The following STAT5B variants were observed in gnomAD, a reference collection of about 807,000 sequenced individuals.
The protein encoded by STAT5B is signal transducer and activator of transcription 5B, also known as transcription factor STAT5B.
A neutral mutation model predicts 107.8 loss-of-function variants in STAT5B; 21 were observed. That is an observed-to-expected ratio of 0.19 (90% CI 0.14 to 0.28). The LOEUF (loss-of-function observed/expected upper bound fraction) is 0.28, where lower values mean the gene tolerates loss of function less well. STAT5B is among the 10% of genes least tolerant of loss of function. The pLI, the probability that STAT5B is intolerant of heterozygous loss-of-function variation, is 1.00. For synonymous variants in STAT5B, 325 were observed against 401.7 expected (o/e 0.81, Z 2.28); for missense variants, 565 against 1,008.2 (o/e 0.56, Z 5.95).
chr17:42,207,702 G>T lies in STAT5B; in HGVS notation c.1933C>A (p.Pro645Thr), dbSNP rs1397906312. 1 of 1,614,092 alleles carries T rather than the reference G, an allele frequency of 6.2e-7. No homozygotes were observed. The highest frequency in any genetic ancestry group is 1.7e-5 in the Admixed American group (1 of 59,996). The change falls in exon 16 of 19, where the codon CCT becomes ACT. Residue 645 changes from proline (P) to threonine (T), a missense_variant. Coordinates refer to ENST00000293328, the MANE Select transcript of STAT5B (RefSeq NM_012448.4). ...SQERMFWNLMPFTTRDFSIRS... is the reference protein window; with the variant it reads ...SQERMFWNLMTFTTRDFSIRS... ...ATGGAGAAGTCTCTGGTGGTAAAAG[G>T]CATCAGATTCCAAAACATTCTTTCC... is the stretch of plus-strand genomic sequence containing the variant.
chr17:42,223,469 T>C lies in STAT5B; in HGVS notation c.463A>G (p.Thr155Ala). ...TTTAACTCATTCTCTGTGTCCTGCG[T>C]GACCAGTCGCAGCTCCTCAAACGTC... ...NQTFEELRLV[T>A]QDTENELKKL... is the part of the protein sequence containing the mutation. The change falls in exon 5 of 19, where the codon ACG becomes GCG. Residue 155 changes from threonine (T) to alanine (A), a missense_variant. Transcript: ENST00000293328. The C allele has an allele frequency of 6.2e-7, 1 of 1,614,184 alleles. No homozygotes were observed. Among genetic ancestry groups the C allele is most frequent in the Non-Finnish European group, 8.5e-7 (1 of 1,180,036 alleles).
At chr17:42,222,774 C>T (rs887587400) in intron 5 of STAT5B, among the ~76,000 whole-genome samples, 2 of 147,890 alleles carry the variant, frequency 1.4e-5, no homozygotes, top group Admixed American at 6.7e-5. Flanking sequence ...CTCCGCCTCC[C>T]GGGTTCAAGA....
chr17:42,223,491 C>T lies in STAT5B; in HGVS notation c.441G>A (p.Thr147=), dbSNP rs144367484. ...MSQKHLQINQ[T]FEELRLVTQD... is the part of the protein sequence containing the mutation. Reference sequence around the variant, plus strand: ...GCGTGACCAGTCGCAGCTCCTCAAACGTCTGGTTGATCTGGAGGTGTTTCT... The same window carrying T: ...GCGTGACCAGTCGCAGCTCCTCAAATGTCTGGTTGATCTGGAGGTGTTTCT... The change falls in exon 5 of 19, where the codon ACG becomes ACA. Residue 147 remains threonine (T), a synonymous_variant. Transcript: ENST00000293328. 1.6e-4 allele frequency: 266 copies of T among 1,614,074 alleles called. No homozygotes were observed. Among genetic ancestry groups the T allele is most frequent in the Non-Finnish European group, 2.0e-4 (232 of 1,180,048 alleles).
At chr17:42,231,931 A>T in intron 2 of STAT5B, 69 bp downstream of exon 2, 5 of 1,602,416 alleles carry the variant, frequency 3.1e-6, no homozygotes, top group Non-Finnish European at 4.3e-6. Flanking sequence ...CCATCATGAC[A>T]TCTTTCTAAA....
At chr17:42,204,294 A>G (rs547133396) in intron 16 of STAT5B, among the ~76,000 whole-genome samples, 2 of 152,314 alleles carry the variant, frequency 1.3e-5, no homozygotes, top group African/African-American at 4.8e-5. Context: ...AATCCAGGTA[A>G]GCAGGTGGTA....
At chr17:42,277,113 G>T (rs568865879), upstream of STAT5B, among the ~76,000 whole-genome samples, 1 of 152,348 alleles carries the variant, frequency 6.6e-6, no homozygotes, top group East Asian at 1.9e-4. Context: ...AGGGTCATCT[G>T]TAGGATCCAG....
At position 42,199,840 on chromosome 17, in the gene STAT5B, A is replaced by G. The variant is rs867412123; in HGVS notation, c.*1898T>C. Reference sequence around the variant, plus strand: ...AAAGTGTATCAAGTCTGACCCCCCAACCAGGGTTGCTGGAACAGAGAGCGA... The same window carrying G: ...AAAGTGTATCAAGTCTGACCCCCCAGCCAGGGTTGCTGGAACAGAGAGCGA... On this transcript the variant is annotated 3_prime_UTR_variant, in exon 19 of 19. Transcript: ENST00000293328. 2 of 152,350 alleles carry G rather than the reference A, an allele frequency of 1.3e-5. No individual in the cohort carries two copies. The highest frequency in any genetic ancestry group is 2.4e-5 in the African/African-American group (1 of 41,428). The allele number at this position is 152,350 out of a possible 1,614,324, so 9.4% of individuals were successfully genotyped here. A position where few individuals can be genotyped will look rare whatever the true frequency, so the allele number is the denominator to read the frequency against.
intron 1 of STAT5B, among the ~76,000 whole-genome samples, chr17:42,257,024 G>A (rs1441898132): frequency 6.6e-6 from 1 of 151,984 alleles, no homozygotes; most frequent in African/African-American, 2.4e-5. Flanking sequence ...ATTACCTGAG[G>A]TTTCAGGCAT....
At chr17:42,285,139 G>T in the STAT5B span, among the ~76,000 whole-genome samples, 1 of 151,610 alleles carries the variant, frequency 6.6e-6, no homozygotes, top group Non-Finnish European at 1.5e-5. Flanking sequence ...GCCCAGGCTG[G>T]AGTGCAGTGG....
chr17:42,229,442 GC>G (rs2144288851), intron 2 of STAT5B, among the ~76,000 whole-genome samples: 1 of 151,802 alleles, frequency 6.6e-6, no homozygotes, highest in South Asian at 2.1e-4. Context: ...GAGCCACCGT[GC>G]CCGGCCAGGA....
chr17:42,217,079 T>TA (rs146909119), intron 11 of STAT5B, 81 bp downstream of exon 11: 41,680 of 1,407,790 alleles, frequency 0.03, 339 homozygotes, highest in Non-Finnish European at 0.035. Context: ...TGCTATGTGA[T>TA]AAAAAAAAAA....
intron 1 of STAT5B, among the ~76,000 whole-genome samples, chr17:42,259,005 T>C (rs2080571165): frequency 1.3e-5 from 2 of 152,126 alleles, no homozygotes; most frequent in Admixed American, 6.5e-5. Context: ...AAATGAAGAG[T>C]AGCTAAGACC....
rs7209291 is a variant in STAT5B, at chr17:42,215,745, A to C, written c.1473+269T>G. On this transcript the variant is annotated intron_variant, in intron 12 of 18. Coordinates refer to ENST00000293328, the MANE Select transcript of STAT5B (RefSeq NM_012448.4). Reference sequence around the variant, plus strand: ...GTGATTGTCGTGCCTCAGCCTCCCAAGTAGCTGGGACTACAGGCATGTGCC... The same window carrying C: ...GTGATTGTCGTGCCTCAGCCTCCCACGTAGCTGGGACTACAGGCATGTGCC... Among the ~76,000 whole-genome samples the C allele has an allele frequency of 0.15, 23,233 of 151,936 alleles. 1,980 individuals carry two copies. The highest frequency in any genetic ancestry group is 0.3 in the South Asian group (1,431 of 4,808).
At chr17:42,287,572 A>C in the STAT5B span, 1 of 152,360 alleles carries the variant, frequency 6.6e-6, no homozygotes, top group Admixed American at 6.5e-5. Flanking sequence ...TGCTGTGGCA[A>C]GGCCTGTAGA....
At chr17:42,278,438 A>T (rs1341059494), upstream of STAT5B, among the ~76,000 whole-genome samples, 3 of 152,206 alleles carry the variant, frequency 2.0e-5, no homozygotes, top group African/African-American at 7.2e-5. Flanking sequence ...CGGTGTGGCG[A>T]CACACACCTG....
At position 42,201,397 on chromosome 17, in the gene STAT5B, C is replaced by CG. The variant is rs2080042106; in HGVS notation, c.*340_*341insC. The stretch of plus-strand genomic sequence containing the variant: ...CACTCTTAAGACACATGGCCAACTT[C>CG]CAGGCTTCACGAAACTCACTGCCTT... On this transcript the variant is annotated 3_prime_UTR_variant, in exon 19 of 19. Transcript: ENST00000293328. 2 of 596,470 alleles carry CG rather than the reference C, an allele frequency of 3.4e-6. No individual in the cohort carries two copies. Among genetic ancestry groups the CG allele is most frequent in the Non-Finnish European group, 6.0e-6 (2 of 335,010 alleles). The allele number at this position is 596,470 out of a possible 1,614,324, so 36.9% of individuals were successfully genotyped here.
Position 42,224,773 on chromosome 17 carries a change from A to T in STAT5B, c.375+6T>A. The T allele has an allele frequency of 1.2e-6, 2 of 1,613,608 alleles. No individual in the cohort carries two copies. Among genetic ancestry groups the T allele is most frequent in the Non-Finnish European group, 1.7e-6 (2 of 1,179,678 alleles). On this transcript the variant is annotated splice_donor_region_variant and intron_variant, in intron 4 of 18. Transcript: ENST00000293328. ...ACTGCCCTCCCCATCCCTATGGGACACTCACATTGTTGGCTTCTCGGACCA... is the reference window on the plus strand; with the variant it reads ...ACTGCCCTCCCCATCCCTATGGGACTCTCACATTGTTGGCTTCTCGGACCA...
intron 1 of STAT5B, among the ~76,000 whole-genome samples, chr17:42,261,186 G>C (rs984317592): frequency 6.6e-6 from 1 of 152,000 alleles, no homozygotes; most frequent in Admixed American, 6.6e-5. Context: ...AGGATTACAG[G>C]CATAATCCAC....
Position 42,201,188 on chromosome 17 carries a change from TG to T in STAT5B, c.*549del. On this transcript the variant is annotated 3_prime_UTR_variant, in exon 19 of 19. Coordinates refer to ENST00000293328, the MANE Select transcript of STAT5B (RefSeq NM_012448.4). ...CCATTCCTACCCAAGAACACAGGGG[TG>T]GGGGAGAGGGAAGGCTCTCTTTGTC... 1 of 412,536 alleles carries T rather than the reference TG, an allele frequency of 2.4e-6. No homozygotes were observed. Among genetic ancestry groups the T allele is most frequent in the Non-Finnish European group, 4.3e-6 (1 of 234,106 alleles). The allele number at this position is 412,536 out of a possible 1,614,324, so 25.6% of individuals were successfully genotyped here. A position where few individuals can be genotyped will look rare whatever the true frequency, so the allele number is the denominator to read the frequency against.
Sources: gnomAD v4.1 joint callset for allele counts (sites outside exome capture counted in the v4.1 genomes callset) on GRCh38, gnomAD v4.1.1 for gene constraint, MANE v1.5 for transcripts, NCBI Gene and HGNC (gene_info 2026-07-23, HGNC 2026-07-21) for gene names.